Variants in ARNT observed in about 807,000 individuals in gnomAD.
ARNT encodes class E basic helix-loop-helix protein 2.
Under a neutral mutation model 105.0 loss-of-function variants are expected in ARNT, and 30 were observed. The ratio of observed to expected loss-of-function variants is 0.29; its 90% CI spans 0.21 to 0.39. The LOEUF (loss-of-function observed/expected upper bound fraction) is 0.39, where lower values mean the gene tolerates loss of function less well. Among genes scored for constraint, ARNT ranks in the 10% least tolerant of loss-of-function variants. ARNT has a pLI of 1.00. For synonymous variants in ARNT, 304 were observed against 344.0 expected (o/e 0.88, Z 1.29); for missense variants, 748 against 978.7 (o/e 0.76, Z 3.15).
intron 5 of ARNT, among the ~76,000 whole-genome samples, chr1:150,840,265 A>T (rs1661041214): frequency 6.6e-6 from 1 of 151,634 alleles, no homozygotes; most frequent in African/African-American, 2.4e-5. Flanking sequence ...AACAAAAAAC[A>T]AGAGAAAAAA....
Position 150,829,106 on chromosome 1 carries a change from C to T in ARNT, c.1154G>A (p.Gly385Asp), listed in dbSNP as rs764851308. 6.2e-7 allele frequency: 1 copy of T among 1,614,058 alleles called. No individual in the cohort carries two copies. The highest frequency in any genetic ancestry group is 1.1e-5 in the South Asian group (1 of 91,064). Residue 385 changes from glycine to aspartate, a missense_variant, in exon 12 of 22, where the codon GGC becomes GAC. Gly to Asp is a moderately conservative substitution (Grantham distance 94, BLOSUM62 -1). This residue lies in a region of ARNT where 291 missense variants were observed against 444.6 expected (regional missense o/e 0.65). Coordinates refer to ENST00000358595, the MANE Select transcript of ARNT (RefSeq NM_001668.4). Reference protein sequence around the residue: ...FVDHRCVATVGYQPQELLGKN... With the variant: ...FVDHRCVATVDYQPQELLGKN... ...CCAGCTCCTCACCTGTGGCTGGTAGCCAACAGTAGCCACACAGCGGTGATC... is the reference window on the plus strand; with the variant it reads ...CCAGCTCCTCACCTGTGGCTGGTAGTCAACAGTAGCCACACAGCGGTGATC...
intron 8 of ARNT, among the ~76,000 whole-genome samples, chr1:150,833,031 A>G (rs942414576): frequency 6.6e-6 from 1 of 152,232 alleles, no homozygotes. Context: ...TAATTCATCT[A>G]ATCTTCATAA....
At chr1:150,839,371 C>T (rs1660865894) in intron 6 of ARNT, 70 bp downstream of exon 6, 2 of 1,535,378 alleles carry the variant, frequency 1.3e-6, no homozygotes, top group East Asian at 4.5e-5. Flanking sequence ...GAATTCTTGT[C>T]CAAAAAACGA....
At chr1:150,843,495 T>C (rs1429094432) in intron 4 of ARNT, among the ~76,000 whole-genome samples, 1 of 152,200 alleles carries the variant, frequency 6.6e-6, no homozygotes, top group Non-Finnish European at 1.5e-5. Context: ...AAATGGTCAA[T>C]AGGCAGAAAA....
chr1:150,825,709 C>T (rs587708029), intron 13 of ARNT, among the ~76,000 whole-genome samples: 4 of 151,956 alleles, frequency 2.6e-5, no homozygotes, highest in Non-Finnish European at 5.9e-5. Flanking sequence ...ATTAGCTGGG[C>T]GTGGCAGCAT....
At chr1:150,873,034 C>G (rs1667705004) in intron 1 of ARNT, among the ~76,000 whole-genome samples, 1 of 151,988 alleles carries the variant, frequency 6.6e-6, no homozygotes, top group Admixed American at 6.6e-5. Context: ...CCTGTAATCC[C>G]AGCACTTTGG....
chr1:150,847,668 A>G (rs1343481486), intron 3 of ARNT, among the ~76,000 whole-genome samples: 2 of 152,220 alleles, frequency 1.3e-5, no homozygotes, highest in Non-Finnish European at 2.9e-5. Context: ...CATATCTTTC[A>G]TACACACAGT....
At chr1:150,865,196 A>G (rs1666355053) in intron 1 of ARNT, among the ~76,000 whole-genome samples, 1 of 152,200 alleles carries the variant, frequency 6.6e-6, no homozygotes, top group Non-Finnish European at 1.5e-5. Context: ...GAGTAAGGAT[A>G]GTGAATTAAA....
At chr1:150,834,078 C>A (rs956771176) in intron 8 of ARNT, among the ~76,000 whole-genome samples, 6 of 151,760 alleles carry the variant, frequency 4.0e-5, no homozygotes, top group Non-Finnish European at 8.8e-5. Flanking sequence ...GGATTATGGG[C>A]GCACGCCACC....
intron 12 of ARNT, among the ~76,000 whole-genome samples, chr1:150,827,872 T>C (rs946028367): frequency 9.9e-5 from 15 of 152,238 alleles, no homozygotes; most frequent in African/African-American, 2.7e-4. Flanking sequence ...AGTGGGTATA[T>C]AGTGGTATCT....
At position 150,847,248 on chromosome 1, in the gene ARNT, T is replaced by C. The variant is rs587598734; in HGVS notation, c.183-941A>G. On this transcript the variant is annotated intron_variant, in intron 3 of 21. Coordinates refer to ENST00000358595, the MANE Select transcript of ARNT (RefSeq NM_001668.4). ...GAGATCCAGACCACTCTGGCCAACA[T>C]GGTGAAACCCCGTCTCTACTAAAAA... Among the ~76,000 whole-genome samples, 20 of 152,130 alleles carry C rather than the reference T, an allele frequency of 1.3e-4. No individual in the cohort carries two copies. In the South Asian group the frequency reaches 3.7e-3, roughly 28 times the overall value.
chr1:150,833,008 T>A (rs1371125952), intron 8 of ARNT, among the ~76,000 whole-genome samples: 2 of 152,220 alleles, frequency 1.3e-5, no homozygotes, highest in Admixed American at 6.5e-5. Flanking sequence ...GTTCTAAATA[T>A]CTTTACATAT....
chr1:150,813,940 T>C, intron 20 of ARNT, 137 bp downstream of exon 20: 2 of 1,247,782 alleles, frequency 1.6e-6, no homozygotes, highest in Non-Finnish European at 2.2e-6. Flanking sequence ...GGTTTTAAAT[T>C]CTAAATAGAT....
chr1:150,834,496 A>C, intron 8 of ARNT, 42 bp downstream of exon 8: 1 of 1,582,158 alleles, frequency 6.3e-7, no homozygotes, highest in Non-Finnish European at 8.7e-7. Context: ...TCAGCTCTTG[A>C]TCCTTCCTAT....
rs1333199829 is a variant in ARNT, at chr1:150,810,136, CAT to C, written c.*1883_*1884del. The C allele has an allele frequency of 4.3e-6, 1 of 231,322 alleles. No homozygotes were observed. The highest frequency in any genetic ancestry group is 6.1e-5 in the East Asian group (1 of 16,374). The allele number at this position is 231,322 out of a possible 1,614,324, so 14.3% of individuals were successfully genotyped here. Reference sequence around the variant, plus strand: ...ATATTTTGTTTGAAAATCTTTGCTACATGTCATTATTTTTGCCACTGTAAAGC... The same window carrying C: ...ATATTTTGTTTGAAAATCTTTGCTACGTCATTATTTTTGCCACTGTAAAGC... On this transcript the variant is annotated 3_prime_UTR_variant, in exon 22 of 22. Coordinates refer to ENST00000358595, the MANE Select transcript of ARNT (RefSeq NM_001668.4).
At chr1:150,830,278 G>A (rs1246339028) in intron 10 of ARNT, 6 of 266,428 alleles carry the variant, frequency 2.3e-5, no homozygotes, top group African/African-American at 1.1e-4. Flanking sequence ...CCCAGGAGGC[G>A]GAGGATGCAG....
Position 150,811,799 on chromosome 1 carries a change from T to G in ARNT, c.*222A>C. On this transcript the variant is annotated 3_prime_UTR_variant, in exon 22 of 22. Coordinates refer to ENST00000358595, the MANE Select transcript of ARNT (RefSeq NM_001668.4). ...TTTAACTTCACCCAGCCTCAAATTTTCAGACAGTCCTAAAAGCCTTGGAGA... is the reference window on the plus strand; with the variant it reads ...TTTAACTTCACCCAGCCTCAAATTTGCAGACAGTCCTAAAAGCCTTGGAGA... 2.8e-6 allele frequency: 1 copy of G among 355,440 alleles called. No individual in the cohort carries two copies. The highest frequency in any genetic ancestry group is 5.0e-6 in the Non-Finnish European group (1 of 198,092). 22.0% of individuals were successfully genotyped at this position (355,440 alleles called of 1,614,324 possible). A position where few individuals can be genotyped will look rare whatever the true frequency, so the allele number is the denominator to read the frequency against.
intron 7 of ARNT, chr1:150,834,880 G>A (rs587603632): frequency 7.3e-5 from 31 of 425,816 alleles, no homozygotes; most frequent in African/African-American, 5.4e-4. Flanking sequence ...GCAAGGAAAA[G>A]TAGGAGTGGA....
intron 1 of ARNT, among the ~76,000 whole-genome samples, chr1:150,875,197 A>G (rs1668065698): frequency 6.6e-6 from 1 of 152,168 alleles, no homozygotes; most frequent in Non-Finnish European, 1.5e-5. Context: ...TTATAGTTTT[A>G]TTCTATCACT....
Sources: allele counts gnomAD v4.1 joint callset (sites outside exome capture counted in the v4.1 genomes callset), GRCh38; gene constraint gnomAD v4.1.1; regional missense constraint gnomAD v4.1.1; transcripts MANE v1.5; gene names NCBI Gene and HGNC (gene_info 2026-07-23, HGNC 2026-07-21).